The following PRKRA variants were observed in gnomAD, a reference collection of about 807,000 sequenced individuals.
PRKRA encodes protein activator of interferon induced protein kinase EIF2AK2.
Under a neutral mutation model 32.4 loss-of-function variants are expected in PRKRA, and 22 were observed. That is an observed-to-expected ratio of 0.68 (90% confidence interval 0.49 to 0.97). PRKRA has a LOEUF of 0.97. Among genes scored for constraint, PRKRA ranks in the 50% least tolerant of loss-of-function variants. The pLI is 0.00. For missense variants in PRKRA, 319 were observed against 375.6 expected (o/e 0.85, Z 1.25); for synonymous variants, 139 against 129.8 (o/e 1.07, Z -0.48).
intron 7 of PRKRA, chr2:178,433,850 C>T (rs548049432): frequency 1.3e-5 from 2 of 152,208 alleles, no homozygotes; most frequent in African/African-American, 4.8e-5. Flanking sequence ...TATAAACTAG[C>T]CAAATTAACA....
chr2:178,433,658 T>C (rs750474348), intron 7 of PRKRA: 11 of 152,062 alleles, frequency 7.2e-5, no homozygotes, highest in Non-Finnish European at 1.5e-4. Flanking sequence ...TTTTCTTTTT[T>C]AATTTTAAAA....
intron 1 of PRKRA, chr2:178,450,737 C>CGTCA: frequency 7.3e-7 from 1 of 1,363,570 alleles, no homozygotes; most frequent in Non-Finnish European, 9.4e-7. Context: ...GCCGACCGAG[C>CGTCA]GTCACCTCCG....
At chr2:178,443,175 T>C (rs577931893) in intron 5 of PRKRA, 92 bp downstream of exon 5, 15 of 713,800 alleles carry the variant, frequency 2.1e-5, no homozygotes, top group Admixed American at 5.1e-5. Flanking sequence ...TTTTTCTGCA[T>C]AGAAATATTT....
At chr2:178,446,460 C>A (rs554740056) in intron 3 of PRKRA, among the ~76,000 whole-genome samples, 1 of 152,236 alleles carries the variant, frequency 6.6e-6, no homozygotes, top group African/African-American at 2.4e-5. Context: ...GAATGATTTA[C>A]AAAAAGAGAG....
Position 178,432,264 on chromosome 2 carries a change from C to A in PRKRA, c.785-10G>T. 3 of 971,386 alleles carry A rather than the reference C, an allele frequency of 3.1e-6. No individual in the cohort carries two copies. Among genetic ancestry groups the A allele is most frequent in the East Asian group, 4.9e-5 (1 of 20,560 alleles). 60.2% of individuals were successfully genotyped at this position (971,386 alleles called of 1,614,324 possible). On this transcript the variant is annotated splice_polypyrimidine_tract_variant and intron_variant, in intron 7 of 7. Transcript: ENST00000325748. ...TTGGCGCTCAGTTCATCTGTAATGA[C>A]ACATTCAAGGATGACGATTAATGTC...
Position 178,451,149 on chromosome 2 carries a change from C to T in PRKRA, c.-119G>A. ...CCGCCACCTCCTCCGACTCCCCCGC[C>T]TCCTGCTTGCGTTGCTCCAGCGAGG... On this transcript the variant is annotated 5_prime_UTR_variant, in exon 1 of 8. Transcript: ENST00000325748. The T allele has an allele frequency of 2.4e-6, 3 of 1,232,228 alleles. No homozygotes were observed. Among genetic ancestry groups the T allele is most frequent in the Non-Finnish European group, 3.3e-6 (3 of 903,144 alleles). The allele number at this position is 1,232,228 out of a possible 1,614,324, so 76.3% of individuals were successfully genotyped here.
intron 6 of PRKRA, 58 bp from the exon 7 acceptor site, chr2:178,436,377 AC>A (rs1205942178): frequency 9.3e-6 from 13 of 1,403,340 alleles, no homozygotes; most frequent in Non-Finnish European, 1.3e-5. Context: ...CAACACCCGT[AC>A]CAGTATCATT....
In PRKRA at chr2:178,442,247, T is replaced by G. The variant is rs555176084; in HGVS notation, c.515-543A>C. Among the ~76,000 whole-genome samples, 5 of 152,356 alleles carry G rather than the reference T, an allele frequency of 3.3e-5. No individual in the cohort carries two copies. The East Asian group carries it at 9.6e-4, about 29-fold the overall frequency. ...GTTTTAAGTTTTTCTTTAATAGTTA[T>G]GCTTTCTGTTTTTCTATAATAATTG... On this transcript the variant is annotated intron_variant, in intron 5 of 7. Coordinates refer to ENST00000325748, the MANE Select transcript of PRKRA (RefSeq NM_003690.5).
rs776733670 is a variant in PRKRA at position 178,450,447 on chromosome 2, A to C, written c.66-36T>G. ...CACAAAAAGGTGTGCTTTGCATGCC[A>C]AATTGGAGATTGAAGCAGAAGCGTA... On this transcript the variant is annotated intron_variant, in intron 1 of 7. Transcript: ENST00000325748. 4 of 1,121,906 alleles carry C rather than the reference A, an allele frequency of 3.6e-6. No homozygotes were observed. The Admixed American group carries it at 1.4e-4, about 39-fold the overall frequency. 69.5% of individuals were successfully genotyped at this position (1,121,906 alleles called of 1,614,324 possible).
chr2:178,440,202 T>C (rs1697060099), intron 6 of PRKRA: 1 of 152,202 alleles, frequency 6.6e-6, no homozygotes, highest in Non-Finnish European at 1.5e-5. Flanking sequence ...AAATGCAGTG[T>C]TTTATATTTT....
intron 3 of PRKRA, 63 bp from the exon 4 acceptor site, chr2:178,444,563 C>T (rs1697245958): frequency 7.6e-7 from 1 of 1,309,684 alleles, no homozygotes; most frequent in South Asian, 1.2e-5. Context: ...AAATAAATGA[C>T]AAGCATTTTC....
chr2:178,436,173 T>C lies in PRKRA; in HGVS notation c.756A>G (p.Gln252=). 11 of 1,611,852 alleles carry C rather than the reference T, an allele frequency of 6.8e-6. No homozygotes were observed. Among genetic ancestry groups the C allele is most frequent in the Non-Finnish European group, 8.5e-6 (10 of 1,178,030 alleles). ...TATCCAAATATGTTATATTAAAACC[T>C]TGTTCCTTGGCAATTTCACTAAGCA... ...IQLLSEIAKE[Q]GFNITYLDID... Residue 252 remains glutamine, a synonymous_variant, in exon 7 of 8, where the codon CAA becomes CAG. Coordinates refer to ENST00000325748, the MANE Select transcript of PRKRA (RefSeq NM_003690.5).
Position 178,431,996 on chromosome 2 carries a change from T to C in PRKRA, c.*101A>G, listed in dbSNP as rs1696674987. Reference sequence around the variant, plus strand: ...TGTTGATGGAATCTATGAAGAGATTTAGAAACAAGACATAAACACTACGGT... The same window carrying C: ...TGTTGATGGAATCTATGAAGAGATTCAGAAACAAGACATAAACACTACGGT... On this transcript the variant is annotated 3_prime_UTR_variant, in exon 8 of 8. Transcript: ENST00000325748. The C allele has an allele frequency of 3.0e-6, 4 of 1,344,972 alleles. No homozygotes were observed. The highest frequency in any genetic ancestry group is 3.1e-6 in the Non-Finnish European group (3 of 957,058). 83.3% of individuals were successfully genotyped at this position (1,344,972 alleles called of 1,614,324 possible).
At chr2:178,436,799 A>G (rs1696916366) in intron 6 of PRKRA, among the ~76,000 whole-genome samples, 1 of 152,188 alleles carries the variant, frequency 6.6e-6, no homozygotes, top group Admixed American at 6.5e-5. Flanking sequence ...AAAACATGAA[A>G]TGTGCGCGTT....
rs1022463747 is a variant in PRKRA, at chr2:178,435,013, T to C, written c.784+1132A>G. On this transcript the variant is annotated intron_variant, in intron 7 of 7. Transcript: ENST00000325748. Reference sequence around the variant, plus strand: ...GTGGGTGGATCATGAGGTCAGGAGTTTGAGACCAGCCTGGCCAACATGGTG... The same window carrying C: ...GTGGGTGGATCATGAGGTCAGGAGTCTGAGACCAGCCTGGCCAACATGGTG... Among the ~76,000 whole-genome samples, 13 of 151,388 alleles carry C rather than the reference T, an allele frequency of 8.6e-5. No individual in the cohort carries two copies. In the East Asian group the frequency reaches 2.3e-3, roughly 27 times the overall value.
At chr2:178,437,306 C>T (rs1696940531) in intron 6 of PRKRA, among the ~76,000 whole-genome samples, 8 of 152,148 alleles carry the variant, frequency 5.3e-5, no homozygotes, top group Admixed American at 5.2e-4. Flanking sequence ...CACCCATTCC[C>T]TGAAGACCTC....
At chr2:178,448,964 CTG>C (rs1368288949) in intron 2 of PRKRA, among the ~76,000 whole-genome samples, 3 of 152,168 alleles carry the variant, frequency 2.0e-5, no homozygotes, top group African/African-American at 7.2e-5. Flanking sequence ...TGAGGGGCCT[CTG>C]TGTCATCCAG....
chr2:178,433,906 GTTCTC>G (rs1696774053), intron 7 of PRKRA: 1 of 152,132 alleles, frequency 6.6e-6, no homozygotes. Flanking sequence ...GAACTATTTA[GTTCTC>G]AAAACTGGGA....
At chr2:178,443,568 C>T (rs1369337435) in intron 4 of PRKRA, 184 bp from the exon 5 acceptor site, 1 of 535,124 alleles carries the variant, frequency 1.9e-6, no homozygotes, top group Non-Finnish European at 3.4e-6. Context: ...ATTTTTATAC[C>T]CCAATACCAA....
Sources: gnomAD v4.1 joint callset for allele counts (sites outside exome capture counted in the v4.1 genomes callset) on GRCh38, gnomAD v4.1.1 for gene constraint, MANE v1.5 for transcripts, NCBI Gene and HGNC (gene_info 2026-07-23, HGNC 2026-07-21) for gene names.